The following ACLY variants were observed in gnomAD, a reference collection of about 807,000 sequenced individuals.
ACLY encodes the protein ATP citrate lyase.
A neutral mutation model predicts 133.0 loss-of-function variants in ACLY; 41 were observed. The ratio of observed to expected loss-of-function variants is 0.31; its 90% CI spans 0.24 to 0.40. ACLY has a LOEUF of 0.40. ACLY is among the 10% of genes least tolerant of loss of function. The pLI is 1.00. For missense variants in ACLY, 1,046 were observed against 1,453.8 expected, an observed-to-expected ratio of 0.72 and a Z score of 4.56; for synonymous variants, 495 against 549.3, an observed-to-expected ratio of 0.90 and a Z score of 1.38.
At chr17:41,894,907 C>T (rs1291996727) in intron 14 of ACLY, among the ~76,000 whole-genome samples, 4 of 152,130 alleles carry the variant, frequency 2.6e-5, no homozygotes, top group African/African-American at 9.7e-5. Flanking sequence ...GCTTGGCTAA[C>T]CAAGTTCATG....
Position 41,892,510 on chromosome 17 carries a change from C to G in ACLY, c.1602-63G>C, listed in dbSNP as rs1490364876. On this transcript the variant is annotated intron_variant, in intron 15 of 28. Transcript: ENST00000352035. ...CCTGTCAGGACTGGGGAAGGGGAAG[C>G]TGAGGGGAGGAATTTCACCTAGAAG... 6 of 1,482,770 alleles carry G rather than the reference C, an allele frequency of 4.0e-6. No homozygotes were observed. In the South Asian group the frequency reaches 4.9e-5, roughly 12 times the overall value. The allele number at this position is 1,482,770 out of a possible 1,614,324, so 91.9% of individuals were successfully genotyped here.
intron 28 of ACLY, among the ~76,000 whole-genome samples, 186 bp from the exon 29 acceptor site, chr17:41,868,090 CT>C (rs1158881735): frequency 2.0e-5 from 3 of 151,912 alleles, no homozygotes; most frequent in African/African-American, 7.3e-5. Flanking sequence ...GGATCTGATT[CT>C]ATTTTCCTTT....
chr17:41,882,299 G>A (rs564849660), intron 20 of ACLY, among the ~76,000 whole-genome samples: 8 of 136,818 alleles, frequency 5.8e-5, no homozygotes, highest in Admixed American at 3.4e-4. Context: ...CCCAGGAGGC[G>A]GAGGTTGCAG....
At chr17:41,910,101 C>A in intron 4 of ACLY, 121 bp downstream of exon 4, 1 of 1,009,054 alleles carries the variant, frequency 9.9e-7, no homozygotes, top group Non-Finnish European at 1.5e-6. Flanking sequence ...CTCAGTGCAG[C>A]TTCAGGGACC....
chr17:41,918,637 G>A (rs1437372384), intron 1 of ACLY, among the ~76,000 whole-genome samples: 1 of 152,174 alleles, frequency 6.6e-6, no homozygotes, highest in African/African-American at 2.4e-5. Context: ...CAAGCCCCAT[G>A]CAAACTCCCA....
chr17:41,916,567 G>A (rs1185770662), intron 1 of ACLY, among the ~76,000 whole-genome samples: 4 of 151,546 alleles, frequency 2.6e-5, no homozygotes, highest in Non-Finnish European at 4.4e-5. Flanking sequence ...AGTAGAGGCG[G>A]GGTTTCACCA....
chr17:41,912,215 T>C (rs529666278), intron 3 of ACLY, among the ~76,000 whole-genome samples: 243 of 152,106 alleles, frequency 1.6e-3, no homozygotes, highest in Middle Eastern at 3.4e-3. Flanking sequence ...ACAAAGAAGT[T>C]TGGATGATGA....
chr17:41,896,821 G>GA (rs2049381820), intron 13 of ACLY, among the ~76,000 whole-genome samples, 172 bp from the exon 14 acceptor site: 1 of 152,216 alleles, frequency 6.6e-6, no homozygotes, highest in Non-Finnish European at 1.5e-5. Flanking sequence ...CAGAAGAGGT[G>GA]AAAGCACCGA....
At chr17:41,890,264 T>C (rs1402929923) in intron 16 of ACLY, among the ~76,000 whole-genome samples, 1 of 152,166 alleles carries the variant, frequency 6.6e-6, no homozygotes, top group Non-Finnish European at 1.5e-5. Flanking sequence ...CAAGTATTTA[T>C]TTTCAACAAA....
In ACLY at chr17:41,904,748, T is replaced by C; in HGVS notation, c.1046A>G (p.Asn349Ser). The change falls in exon 10 of 29, where the codon AAC (asparagine) becomes AGC (serine). Residue 349 changes from asparagine (N) to serine (S), a missense_variant. Asn to Ser is a conservative substitution (Grantham distance 46). Coordinates refer to ENST00000352035, the MANE Select transcript of ACLY (RefSeq NM_001096.3). The stretch of plus-strand genomic sequence containing the variant: ...TGTTACCTTGAACGTGGCAGCCACG[T>C]TGGTGAAGTTTGCGATGCTGCCTCC... ...IIGGSIANFT[N>S]VAATFKGIVR... 6.2e-7 allele frequency: 1 copy of C among 1,614,064 alleles called. No homozygotes were observed. The highest frequency in any genetic ancestry group is 8.5e-7 in the Non-Finnish European group (1 of 1,179,938).
chr17:41,899,545 C>T (rs2049467902), intron 11 of ACLY, among the ~76,000 whole-genome samples: 1 of 152,136 alleles, frequency 6.6e-6, no homozygotes, highest in Non-Finnish European at 1.5e-5. Flanking sequence ...TCAACCCAAG[C>T]ACTACCTCCT....
rs149532230 is a variant in ACLY, at chr17:41,927,403, C to G, written c.-28+2955G>C. Among the ~76,000 whole-genome samples, 1,477 of 152,278 alleles carry G rather than the reference C, an allele frequency of 9.7e-3. 27 individuals carry two copies. Among genetic ancestry groups the G allele is most frequent in the African/African-American group, 0.034 (1,408 of 41,560 alleles). On this transcript the variant is annotated intron_variant, in intron 1 of 3. Transcript: ENST00000592970. ...TGCAGTGGCCTGATCATAGCTCAAC[C>G]GTGTTAGCCAGGATGGTCTTGATCT...
chr17:41,919,123 C>G (rs2144444456), upstream of ACLY: 1 of 1,139,034 alleles, frequency 8.8e-7, no homozygotes, highest in East Asian at 7.4e-5. Flanking sequence ...CGAGGGCGGG[C>G]CCCGGGGCCT....
In ACLY at chr17:41,867,645, G is replaced by T; in HGVS notation, c.*165C>A. 1 of 453,218 alleles carries T rather than the reference G, an allele frequency of 2.2e-6. No individual in the cohort carries two copies. 28.1% of individuals were successfully genotyped at this position (453,218 alleles called of 1,614,324 possible). The stretch of plus-strand genomic sequence containing the variant: ...TGAAGCTTCTTTGTGTGGACTGAAG[G>T]GGTGTTAGCCTGTGGATGTTGGTCT... On this transcript the variant is annotated 3_prime_UTR_variant, in exon 29 of 29. Coordinates refer to ENST00000352035, the MANE Select transcript of ACLY (RefSeq NM_001096.3).
rs1213922543 is a variant in ACLY at position 41,880,844 on chromosome 17, C to T, written c.2266-1920G>A. On this transcript the variant is annotated intron_variant, in intron 20 of 28. Transcript: ENST00000352035. ...CTGCACCACTGCACTCCAGCCTGGG[C>T]GACAGAGCGAGACTCCGTCTCAAAA... Among the ~76,000 whole-genome samples the T allele has an allele frequency of 2.7e-5, 4 of 150,422 alleles. No individual in the cohort carries two copies. In the South Asian group the frequency reaches 6.3e-4, roughly 24 times the overall value.
At chr17:41,909,765 GA>G in intron 4 of ACLY, 65 bp from the exon 5 acceptor site, 1 of 1,453,560 alleles carries the variant, frequency 6.9e-7, no homozygotes, top group Non-Finnish European at 9.5e-7. Context: ...GAGGGGCGCT[GA>G]ACTGGGGAAG....
At chr17:41,886,861 C>T (rs754868304) in intron 17 of ACLY, among the ~76,000 whole-genome samples, 6 of 152,196 alleles carry the variant, frequency 3.9e-5, no homozygotes, top group Middle Eastern at 3.4e-3. Context: ...TGGTGGCTCA[C>T]GCCTGCAATC....
At chr17:41,896,924 C>T (rs1308889447) in intron 13 of ACLY, among the ~76,000 whole-genome samples, 2 of 152,214 alleles carry the variant, frequency 1.3e-5, no homozygotes, top group Non-Finnish European at 2.9e-5. Context: ...TCAACACCAG[C>T]GCCTCCCCCA....
intron 21 of ACLY, among the ~76,000 whole-genome samples, chr17:41,878,575 A>C (rs1237836109): frequency 3.3e-5 from 5 of 152,062 alleles, no homozygotes; most frequent in African/African-American, 1.2e-4. Flanking sequence ...GTAGGCTCAG[A>C]AACTCAACAC....
Sources: gnomAD v4.1 joint callset for allele counts (sites outside exome capture counted in the v4.1 genomes callset) on GRCh38, gnomAD v4.1.1 for gene constraint, MANE v1.5 for transcripts, NCBI Gene and HGNC (gene_info 2026-07-23, HGNC 2026-07-21) for gene names.